The following ROBO2 variants were observed in gnomAD, a reference collection of about 807,000 sequenced individuals.
ROBO2 encodes the protein roundabout homolog 2.
Under a neutral mutation model 160.8 loss-of-function variants are expected in ROBO2, and 53 were observed. The observed-to-expected ratio is 0.33, with a 90% confidence interval of 0.26 to 0.41. The LOEUF is 0.41. Ranked by LOEUF, ROBO2 falls within the 10% of genes least tolerant of loss-of-function variation. The pLI is 1.00. For missense variants in ROBO2, 1,577 were observed against 1,722.4 expected (o/e 0.92, Z 1.49); for synonymous variants, 664 against 611.7 (o/e 1.09, Z -1.26).
intron 2 of ROBO2, among the ~76,000 whole-genome samples, chr3:77,006,755 A>G (rs770543645): frequency 1.3e-5 from 2 of 152,124 alleles, no homozygotes; most frequent in Non-Finnish European, 2.9e-5. Flanking sequence ...GAAATAAAGA[A>G]GTTTAAAGTA....
At chr3:77,333,249 C>T (rs1340193873) in intron 2 of ROBO2, among the ~76,000 whole-genome samples, 1 of 152,174 alleles carries the variant, frequency 6.6e-6, no homozygotes, top group Non-Finnish European at 1.5e-5. Context: ...TTCAACCATG[C>T]ATTCTTAAGA....
At chr3:77,213,907 C>G (rs2084544074) in intron 2 of ROBO2, among the ~76,000 whole-genome samples, 1 of 152,048 alleles carries the variant, frequency 6.6e-6, no homozygotes, top group African/African-American at 2.4e-5. Context: ...GTTTCTTAAT[C>G]CTGAGTTCTA....
intron 2 of ROBO2, among the ~76,000 whole-genome samples, chr3:76,049,403 A>ATATATTTTT (rs1414664360): frequency 1.9e-5 from 1 of 53,752 alleles, no homozygotes; most frequent in African/African-American, 1.5e-4. Context: ...ATATATATAT[A>ATATATTTTT]TTTTTTTTTT....
intron 2 of ROBO2, among the ~76,000 whole-genome samples, chr3:75,954,973 A>G (rs1237543661): frequency 6.6e-6 from 1 of 151,878 alleles, no homozygotes; most frequent in Non-Finnish European, 1.5e-5. Context: ...TAGAATGTCA[A>G]AAAATTAAAG....
intron 2 of ROBO2, among the ~76,000 whole-genome samples, chr3:76,347,853 A>G (rs554780839): frequency 6.6e-6 from 1 of 152,144 alleles, no homozygotes; most frequent in African/African-American, 2.4e-5. Flanking sequence ...ACATCATACT[A>G]TATATTAAGC....
chr3:75,967,833 G>T (rs2107332000), intron 2 of ROBO2, among the ~76,000 whole-genome samples: 1 of 151,440 alleles, frequency 6.6e-6, no homozygotes, highest in Non-Finnish European at 1.5e-5. Flanking sequence ...AGAGTATTTG[G>T]AAGCAGATAT....
At chr3:76,695,792 A>G (rs1418214576) in intron 2 of ROBO2, among the ~76,000 whole-genome samples, 1 of 152,174 alleles carries the variant, frequency 6.6e-6, no homozygotes, top group Non-Finnish European at 1.5e-5. Context: ...TGGGCAAGTC[A>G]CCTGGCTAAG....
intron 2 of ROBO2, among the ~76,000 whole-genome samples, chr3:77,268,048 G>A (rs2059249458): frequency 6.6e-6 from 1 of 152,140 alleles, no homozygotes; most frequent in Non-Finnish European, 1.5e-5. Context: ...GTTCCCTGCT[G>A]GGTATTCACT....
chr3:76,432,905 G>A (rs2076501294), intron 2 of ROBO2, among the ~76,000 whole-genome samples: 1 of 151,100 alleles, frequency 6.6e-6, no homozygotes, highest in Non-Finnish European at 1.5e-5. Flanking sequence ...AAAAGGGAGG[G>A]AGAAAAAGAT....
intron 2 of ROBO2, among the ~76,000 whole-genome samples, chr3:76,555,437 G>GGGAAGAGGAAGAGGAAGA (rs59350425): frequency 2.1e-3 from 108 of 52,542 alleles, no homozygotes; most frequent in African/African-American, 4.1e-3. Context: ...GAAGGGGAAG[G>GGGAAGAGGAAGAGGAAGA]GGAAGAGGAA....
intron 2 of ROBO2, among the ~76,000 whole-genome samples, chr3:77,152,572 TGTGA>T (rs1188401228): frequency 6.6e-6 from 1 of 152,158 alleles, no homozygotes; most frequent in African/African-American, 2.4e-5. Flanking sequence ...CCACATCACC[TGTGA>T]GTATGTTCGT....
intron 2 of ROBO2, among the ~76,000 whole-genome samples, chr3:76,968,812 T>C (rs2059432751): frequency 6.6e-6 from 1 of 152,218 alleles, no homozygotes; most frequent in Admixed American, 6.5e-5. Context: ...TTCTCTGTTG[T>C]TATGTAGGTT....
chr3:77,411,562 A>G (rs938511947), intron 2 of ROBO2, among the ~76,000 whole-genome samples: 2 of 152,196 alleles, frequency 1.3e-5, no homozygotes, highest in Non-Finnish European at 2.9e-5. Flanking sequence ...GAAGTCCTTC[A>G]CACCTTGCTA....
At chr3:76,574,916 C>T (rs1274466524) in intron 2 of ROBO2, among the ~76,000 whole-genome samples, 1 of 152,062 alleles carries the variant, frequency 6.6e-6, no homozygotes, top group African/African-American at 2.4e-5. Context: ...ACTGTCCTTC[C>T]TCTTTGAATG....
Position 76,665,892 on chromosome 3 carries a change from TAC to T in ROBO2, c.110-432120_110-432119del, listed in dbSNP as rs1011190006. On this transcript the variant is annotated intron_variant, in intron 2 of 26. Transcript: ENST00000487694. ...ATATACGTATTATATATATAATATA[TAC>T]ATATTATATATAATATACACATATT... 8.1e-5 allele frequency among the ~76,000 whole-genome samples: 10 copies of T among 123,000 alleles called. No individual in the cohort carries two copies. In the Admixed American group the frequency reaches 8.2e-4, roughly 10 times the overall value. 80.7% of individuals were successfully genotyped at this position (123,000 alleles called of 152,430 possible).
intron 1 of ROBO2, among the ~76,000 whole-genome samples, chr3:77,066,317 C>T (rs892296200): frequency 4.6e-5 from 7 of 151,994 alleles, no homozygotes; most frequent in Non-Finnish European, 1.0e-4. Flanking sequence ...TCATTTATGT[C>T]AAAACCTTTA....
intron 15 of ROBO2, among the ~76,000 whole-genome samples, chr3:77,579,162 T>C (rs1301424988): frequency 1.3e-5 from 2 of 152,178 alleles, no homozygotes; most frequent in Non-Finnish European, 2.9e-5. Flanking sequence ...CAAATGTGGA[T>C]ACACAGTGGA....
At chr3:76,816,096 C>T (rs539795605) in intron 2 of ROBO2, among the ~76,000 whole-genome samples, 31 of 152,018 alleles carry the variant, frequency 2.0e-4, no homozygotes, top group Non-Finnish European at 4.1e-4. Context: ...TTTTAAATTG[C>T]GTGATATGTG....
chr3:76,261,376 T>A (rs1706751243), intron 2 of ROBO2, among the ~76,000 whole-genome samples: 1 of 151,910 alleles, frequency 6.6e-6, no homozygotes, highest in South Asian at 2.1e-4. Context: ...AAATTTTAAT[T>A]TCTTATATGA....
Sources: allele counts gnomAD v4.1 joint callset (sites outside exome capture counted in the v4.1 genomes callset), GRCh38; gene constraint gnomAD v4.1.1; transcripts MANE v1.5; gene names NCBI Gene and HGNC (gene_info 2026-07-23, HGNC 2026-07-21).